Variants in PHIP observed in about 807,000 individuals in gnomAD.
PHIP encodes the protein PH-interacting protein.
PHIP carries 54 observed loss-of-function variants against 236.8 expected under a neutral mutation model. The ratio of observed to expected loss-of-function variants is 0.23; its 90% CI spans 0.18 to 0.29. PHIP has a LOEUF of 0.29. Ranked by LOEUF, PHIP falls within the 10% of genes least tolerant of loss-of-function variation. The pLI, the probability that PHIP is intolerant of heterozygous loss-of-function variation, is 1.00. For synonymous variants in PHIP, 756 were observed against 718.9 expected (o/e 1.05, Z -0.83); for missense variants, 1,370 against 2,190.8 (o/e 0.63, Z 7.48).
At chr6:79,064,188 C>T (rs773245684) in intron 4 of PHIP, among the ~76,000 whole-genome samples, 5 of 152,100 alleles carry the variant, frequency 3.3e-5, no homozygotes, top group African/African-American at 7.2e-5. Flanking sequence ...TCTGACTGCA[C>T]GGAAATCCTA....
chr6:79,012,355 G>A (rs1770627501), intron 15 of PHIP, among the ~76,000 whole-genome samples: 1 of 151,656 alleles, frequency 6.6e-6, no homozygotes, highest in African/African-American at 2.4e-5. Flanking sequence ...TAGGTGGAAT[G>A]GTGAGTTTAC....
Position 78,940,557 on chromosome 6 carries a change from T to G in PHIP, c.*136A>C, listed in dbSNP as rs1452602700. ...AGTGTCTCGTAAGTTTGTTTTTTTT[T>G]TTTTTTTTTTTTTTGCAAATCAAAT... is the stretch of plus-strand genomic sequence containing the variant. On this transcript the variant is annotated 3_prime_UTR_variant, in exon 40 of 40. Coordinates refer to ENST00000275034, the MANE Select transcript of PHIP (RefSeq NM_017934.7). 5.6e-6 allele frequency: 1 copy of G among 179,182 alleles called. No individual in the cohort carries two copies. The highest frequency in any genetic ancestry group is 1.1e-5 in the Non-Finnish European group (1 of 90,338). The allele number at this position is 179,182 out of a possible 1,614,324, so 11.1% of individuals were successfully genotyped here.
intron 15 of PHIP, among the ~76,000 whole-genome samples, chr6:79,013,277 T>C (rs1770682227): frequency 6.6e-6 from 1 of 151,806 alleles, no homozygotes; most frequent in African/African-American, 2.4e-5. Flanking sequence ...AAAGGTAGTA[T>C]CTTTATTTTA....
intron 15 of PHIP, among the ~76,000 whole-genome samples, chr6:79,007,787 T>C (rs1770367166): frequency 6.6e-6 from 1 of 151,566 alleles, no homozygotes; most frequent in African/African-American, 2.4e-5. Flanking sequence ...AATGGACTCA[T>C]ATACCAAGAA....
At chr6:79,023,039 T>C (rs373772934) in intron 9 of PHIP, among the ~76,000 whole-genome samples, 1 of 152,196 alleles carries the variant, frequency 6.6e-6, no homozygotes, top group African/African-American at 2.4e-5. Context: ...AGAAAATAGG[T>C]GTTCCAAGGC....
Position 78,942,965 on chromosome 6 carries a change from T to C in PHIP, c.4829-1635A>G, listed in dbSNP as rs181551909. Among the ~76,000 whole-genome samples the C allele has an allele frequency of 8.5e-5, 13 of 152,310 alleles. No individual in the cohort carries two copies. In the East Asian group the frequency reaches 1.7e-3, roughly 20 times the overall value. The stretch of plus-strand genomic sequence containing the variant: ...TTTTTTAAAAAAGTTTAAAAACCAC[T>C]GATATTGAACGGTGTTGTCCTGGGC... On this transcript the variant is annotated intron_variant, in intron 39 of 39. Transcript: ENST00000275034.
chr6:79,052,636 C>G (rs952513549), intron 6 of PHIP, among the ~76,000 whole-genome samples: 4 of 152,100 alleles, frequency 2.6e-5, no homozygotes, highest in Non-Finnish European at 4.4e-5. Flanking sequence ...GCAAAAAAAT[C>G]AAAGGGTTCT....
intron 14 of PHIP, 29 bp downstream of exon 14, chr6:79,015,601 A>T: frequency 6.6e-7 from 1 of 1,507,100 alleles, no homozygotes; most frequent in Non-Finnish European, 9.1e-7. Flanking sequence ...CTTCAGTTAT[A>T]TCAAATAAAG....
chr6:79,078,188 C>T lies in PHIP; in HGVS notation c.-120G>A. The T allele has an allele frequency of 1.0e-6, 1 of 963,460 alleles. No individual in the cohort carries two copies. The allele number at this position is 963,460 out of a possible 1,614,324, so 59.7% of individuals were successfully genotyped here. On this transcript the variant is annotated 5_prime_UTR_variant, in exon 1 of 40. In the 5' UTR this introduces an upstream ATG that the reference lacks. Transcript: ENST00000275034. ...GTTCACGAGCCGAGCTTCGGCTCCA[C>T]CATTCAAGCAACGGCGGCGGAGGCG...
intron 34 of PHIP, 62 bp downstream of exon 34, chr6:78,955,170 G>T: frequency 1.7e-6 from 2 of 1,155,172 alleles, no homozygotes; most frequent in Admixed American, 2.4e-5. Flanking sequence ...AAAAAATAAA[G>T]AAAGCTCTTA....
intron 17 of PHIP, among the ~76,000 whole-genome samples, chr6:78,998,854 C>T (rs747281981): frequency 2.0e-4 from 31 of 152,080 alleles, no homozygotes; most frequent in Non-Finnish European, 3.1e-4. Flanking sequence ...TATTGACTGT[C>T]TACTATATGT....
rs771468368 is a variant in PHIP, at chr6:79,077,538, C to T, written c.130-31G>A. 2.8e-6 allele frequency: 4 copies of T among 1,415,376 alleles called. No individual in the cohort carries two copies. The South Asian group carries it at 5.4e-5, about 19-fold the overall frequency. 87.7% of individuals were successfully genotyped at this position (1,415,376 alleles called of 1,614,324 possible). A position where few individuals can be genotyped will look rare whatever the true frequency, so the allele number is the denominator to read the frequency against. On this transcript the variant is annotated intron_variant, in intron 3 of 39. Coordinates refer to ENST00000275034, the MANE Select transcript of PHIP (RefSeq NM_017934.7). ...GGGAGAGGACACCCCGTGAGCCCGG[C>T]CCCCGGCCCCTACCCGCCCGCTCCC...
intron 6 of PHIP, among the ~76,000 whole-genome samples, chr6:79,044,665 C>T (rs1165143493): frequency 6.6e-6 from 1 of 152,064 alleles, no homozygotes; most frequent in African/African-American, 2.4e-5. Flanking sequence ...TCCCTCTATC[C>T]AAAATTTCCA....
At chr6:78,985,681 A>C (rs547308886) in intron 21 of PHIP, among the ~76,000 whole-genome samples, 1 of 152,148 alleles carries the variant, frequency 6.6e-6, no homozygotes, top group Non-Finnish European at 1.5e-5. Flanking sequence ...TCTCTACTAA[A>C]ACACACAAAA....
chr6:78,973,906 G>C (rs1032973389), intron 24 of PHIP, among the ~76,000 whole-genome samples: 112 of 151,820 alleles, frequency 7.4e-4, no homozygotes, highest in Non-Finnish European at 8.4e-4. Flanking sequence ...AAGAGACTTA[G>C]ACTCCCACAC....
chr6:78,954,787 A>G (rs1766303652), intron 35 of PHIP, 27 bp downstream of exon 35: 2 of 1,511,536 alleles, frequency 1.3e-6, no homozygotes, highest in Middle Eastern at 1.7e-4. Flanking sequence ...ACTGACAGGT[A>G]AAGAAAATAT....
chr6:79,019,599 A>G (rs1771007880), intron 9 of PHIP, among the ~76,000 whole-genome samples: 1 of 152,124 alleles, frequency 6.6e-6, no homozygotes, highest in South Asian at 2.1e-4. Flanking sequence ...AGTATTTTAC[A>G]TTAATTAAGC....
chr6:78,974,804 T>A (rs1203698333), intron 24 of PHIP, among the ~76,000 whole-genome samples: 1 of 150,544 alleles, frequency 6.6e-6, no homozygotes, highest in African/African-American at 2.4e-5. Flanking sequence ...ACACATACAC[T>A]CTCCCAAGAC....
Position 79,043,021 on chromosome 6 carries a change from G to A in PHIP, c.440-18C>T, listed in dbSNP as rs1483885564. ...AGTATCCGCTACCAAGAAAAAGAAG[G>A]AAAATAAATGTAATCTGGAAATTAA... On this transcript the variant is annotated intron_variant, in intron 6 of 39. Transcript: ENST00000275034. The A allele has an allele frequency of 6.3e-7, 1 of 1,585,656 alleles. No homozygotes were observed. The highest frequency in any genetic ancestry group is 8.6e-7 in the Non-Finnish European group (1 of 1,162,924).
Sources: gnomAD v4.1 joint callset for allele counts (sites outside exome capture counted in the v4.1 genomes callset) on GRCh38, gnomAD v4.1.1 for gene constraint, MANE v1.5 for transcripts, NCBI Gene and HGNC (gene_info 2026-07-23, HGNC 2026-07-21) for gene names.